Variants in TCF12 observed in about 807,000 individuals in gnomAD.
The protein encoded by TCF12 is transcription factor 12.
In TCF12, 45 loss-of-function variants were observed where a neutral mutation model predicts 86.0. The ratio of observed to expected loss-of-function variants is 0.52; its 90% CI spans 0.41 to 0.67. The LOEUF is 0.67. Among genes scored for constraint, TCF12 ranks in the 30% least tolerant of loss-of-function variants. The pLI is 0.00. For missense variants in TCF12, 881 were observed against 859.9 expected, an observed-to-expected ratio of 1.02 and a Z score of -0.31; for synonymous variants, 330 against 299.6, an observed-to-expected ratio of 1.10 and a Z score of -1.05.
intron 8 of TCF12, among the ~76,000 whole-genome samples, chr15:57,215,067 G>A (rs1310816049): frequency 6.6e-6 from 1 of 152,036 alleles, no homozygotes; most frequent in East Asian, 1.9e-4. Context: ...TTTCTTTCTT[G>A]CAGAAGTAAA....
intron 8 of TCF12, among the ~76,000 whole-genome samples, chr15:57,218,004 T>TG (rs1335538748): frequency 6.6e-6 from 1 of 152,146 alleles, no homozygotes; most frequent in Non-Finnish European, 1.5e-5. Context: ...CTGGAGAGTG[T>TG]GGGGAGGTTT....
intron 3 of TCF12, among the ~76,000 whole-genome samples, chr15:56,940,629 C>T (rs1408043155): frequency 6.7e-6 from 1 of 149,308 alleles, no homozygotes; most frequent in East Asian, 2.0e-4. Flanking sequence ...TCTCCTCCTT[C>T]TCCCTCTCCT....
chr15:57,240,937 C>CA (rs1442449598), intron 12 of TCF12, among the ~76,000 whole-genome samples: 1 of 142,486 alleles, frequency 7.0e-6, no homozygotes, highest in African/African-American at 2.6e-5. Context: ...TGTTTTGTTT[C>CA]TGTTGAAGTT....
chr15:57,064,330 A>G (rs143514673), intron 4 of TCF12, among the ~76,000 whole-genome samples: 98 of 152,310 alleles, frequency 6.4e-4, no homozygotes, highest in African/African-American at 2.3e-3. Context: ...AACTTTCTAC[A>G]CACTGAGGTC....
chr15:57,062,058 GCTATTCTC>G (rs1157108651), intron 3 of TCF12, among the ~76,000 whole-genome samples: 3 of 152,072 alleles, frequency 2.0e-5, no homozygotes, highest in African/African-American at 7.2e-5. Context: ...CTAGGTTCAA[GCTATTCTC>G]CTGCCTCAGC....
chr15:56,925,473 A>G (rs1269485114), intron 3 of TCF12, among the ~76,000 whole-genome samples: 2 of 152,332 alleles, frequency 1.3e-5, no homozygotes, highest in South Asian at 2.1e-4. Context: ...TGAGAAGATA[A>G]AGATGAAGAT....
chr15:57,006,981 T>C (rs1596078148), intron 3 of TCF12, among the ~76,000 whole-genome samples: 1 of 152,296 alleles, frequency 6.6e-6, no homozygotes, highest in Non-Finnish European at 1.5e-5. Context: ...TAAAGCATAT[T>C]TGGCACCATG....
At chr15:57,162,521 T>G (rs1400586128) in intron 5 of TCF12, among the ~76,000 whole-genome samples, 3 of 152,188 alleles carry the variant, frequency 2.0e-5, no homozygotes, top group Admixed American at 1.3e-4. Context: ...GTTCAAAATC[T>G]TATTTGAATA....
intron 4 of TCF12, chr15:57,072,686 A>G: frequency 7.6e-7 from 1 of 1,307,984 alleles, no homozygotes; most frequent in Non-Finnish European, 1.0e-6. Flanking sequence ...TTAAATAGCA[A>G]AGCAAGACAG....
At chr15:57,015,761 A>G (rs1209878509) in intron 3 of TCF12, among the ~76,000 whole-genome samples, 1 of 152,222 alleles carries the variant, frequency 6.6e-6, no homozygotes, top group Non-Finnish European at 1.5e-5. Flanking sequence ...CACTATTCTG[A>G]TGGAAGACCT....
chr15:56,950,389 T>G (rs545473479), intron 3 of TCF12, among the ~76,000 whole-genome samples: 13 of 151,944 alleles, frequency 8.6e-5, no homozygotes, highest in African/African-American at 3.1e-4. Flanking sequence ...CCATGCCCAG[T>G]TAATTTTTGC....
chr15:56,951,616 C>T (rs1481989686), intron 3 of TCF12, among the ~76,000 whole-genome samples: 3 of 152,024 alleles, frequency 2.0e-5, no homozygotes, highest in Non-Finnish European at 4.4e-5. Flanking sequence ...GAAATCTTTC[C>T]TTAATTGGTC....
intron 3 of TCF12, among the ~76,000 whole-genome samples, chr15:57,027,932 C>A (rs1237627776): frequency 6.6e-6 from 1 of 152,088 alleles, no homozygotes; most frequent in African/African-American, 2.4e-5. Context: ...CCTCCCTAGG[C>A]ATGTGGAACT....
In TCF12 at chr15:57,231,144, A is replaced by T; in HGVS notation, c.580-8A>T. On this transcript the variant is annotated splice_region_variant and splice_polypyrimidine_tract_variant and intron_variant, in intron 8 of 20. Transcript: ENST00000333725. ...ACATTTTAATTAAATGTGCTGTTTA[A>T]TTTTAAGGTATATGCACCATCCCCA... is the stretch of plus-strand genomic sequence containing the variant. The T allele has an allele frequency of 6.3e-7, 1 of 1,596,620 alleles. No individual in the cohort carries two copies. The highest frequency in any genetic ancestry group is 8.6e-7 in the Non-Finnish European group (1 of 1,164,764).
chr15:56,967,512 A>G (rs778773497), intron 3 of TCF12, among the ~76,000 whole-genome samples: 2 of 152,088 alleles, frequency 1.3e-5, no homozygotes, highest in Non-Finnish European at 2.9e-5. Flanking sequence ...CTGTTTGTGT[A>G]TCTGTTTAAT....
intron 15 of TCF12, 113 bp downstream of exon 15, chr15:57,252,605 G>A: frequency 7.0e-6 from 6 of 851,590 alleles, no homozygotes; most frequent in Non-Finnish European, 9.0e-6. Context: ...TCAAACAGTT[G>A]ACTGTTTCAG....
At chr15:57,057,633 G>A (rs1389872052) in intron 3 of TCF12, among the ~76,000 whole-genome samples, 1 of 139,758 alleles carries the variant, frequency 7.2e-6, no homozygotes, top group Admixed American at 6.8e-5. Context: ...AGTTCAGAGA[G>A]GTGGGAGGCA....
chr15:57,005,931 G>A lies in TCF12; in HGVS notation c.149-57819G>A, dbSNP rs12101407. On this transcript the variant is annotated intron_variant, in intron 3 of 20. Transcript: ENST00000333725. ...TTTTTATTTTCCAGGTGAAAAGTCC[G>A]CTGCCCTTCAGTGGATTCTTATTAT... 4.8e-3 allele frequency among the ~76,000 whole-genome samples: 727 copies of A among 152,204 alleles called. 4 individuals are homozygous for A. Among genetic ancestry groups the A allele is most frequent in the African/African-American group, 0.016 (680 of 41,516 alleles).
At chr15:57,284,365 G>A (rs2031417954) in intron 20 of TCF12, among the ~76,000 whole-genome samples, 1 of 151,806 alleles carries the variant, frequency 6.6e-6, no homozygotes, top group Non-Finnish European at 1.5e-5. Context: ...ACACCACCAC[G>A]CCCAGCTAAT....
Sources: allele counts gnomAD v4.1 joint callset (sites outside exome capture counted in the v4.1 genomes callset), GRCh38; gene constraint gnomAD v4.1.1; transcripts MANE v1.5; gene names NCBI Gene and HGNC (gene_info 2026-07-23, HGNC 2026-07-21).